Variants in PIK3R1 observed in about 807,000 individuals in gnomAD.
The protein encoded by PIK3R1 is phosphatidylinositol 3-kinase regulatory subunit alpha.
Under a neutral mutation model 98.0 loss-of-function variants are expected in PIK3R1, and 29 were observed. The observed-to-expected ratio is 0.30, with a 90% CI of 0.22 to 0.40. The LOEUF (loss-of-function observed/expected upper bound fraction) is 0.40, where lower values mean the gene tolerates loss of function less well. PIK3R1 is among the 10% of genes least tolerant of loss of function. The pLI is 1.00. For missense variants in PIK3R1, 596 were observed against 872.7 expected, an observed-to-expected ratio of 0.68 and a Z score of 3.99; for synonymous variants, 282 against 311.8, an observed-to-expected ratio of 0.90 and a Z score of 1.01.
intron 2 of PIK3R1, among the ~76,000 whole-genome samples, chr5:68,263,120 TATAGATAC>T (rs1220040512): frequency 1.9e-5 from 2 of 105,338 alleles, no homozygotes; most frequent in African/African-American, 7.6e-5. Flanking sequence ...TACATAGATA[TATAGATAC>T]ATAGATACAT....
At chr5:68,227,085 G>A (rs1381441049) in intron 2 of PIK3R1, 76 bp downstream of exon 2, 2 of 1,351,474 alleles carry the variant, frequency 1.5e-6, no homozygotes, top group African/African-American at 2.9e-5. Flanking sequence ...TTTGGGTTGA[G>A]TCGTTATGTT....
chr5:68,253,284 C>G (rs1403516764), intron 2 of PIK3R1, among the ~76,000 whole-genome samples: 1 of 152,166 alleles, frequency 6.6e-6, no homozygotes, highest in Admixed American at 6.5e-5. Flanking sequence ...GACACTTATC[C>G]TACATTTCAG....
At position 68,298,887 on chromosome 5, in the gene PIK3R1, G is replaced by A. The variant is rs1376183298; in HGVS notation, c.*1286G>A. On this transcript the variant is annotated 3_prime_UTR_variant, in exon 16 of 16. Coordinates refer to ENST00000521381, the MANE Select transcript of PIK3R1 (RefSeq NM_181523.3). ...ATCTAGGGAGGGGGAATGTAGTGAAGGGATGTATCAAGTGGGGTGGTGGGA... is the reference window on the plus strand; with the variant it reads ...ATCTAGGGAGGGGGAATGTAGTGAAAGGATGTATCAAGTGGGGTGGTGGGA... 1.7e-5 allele frequency: 4 copies of A among 233,220 alleles called. No individual in the cohort carries two copies. Among genetic ancestry groups the A allele is most frequent in the Non-Finnish European group, 2.5e-5 (3 of 117,924 alleles). 14.4% of individuals were successfully genotyped at this position (233,220 alleles called of 1,614,324 possible). A position where few individuals can be genotyped will look rare whatever the true frequency, so the allele number is the denominator to read the frequency against.
Position 68,301,362 on chromosome 5 carries a change from ATATATGTGTGTG to A in PIK3R1, c.*3763_*3774del, listed in dbSNP as rs1471110037. The stretch of plus-strand genomic sequence containing the variant: ...TGCTGCTATATATATATATATATAT[ATATATGTGTGTG>A]TGTGTGTGTGTGTGTGTGTATATAT... On this transcript the variant is annotated 3_prime_UTR_variant, in exon 16 of 16. Transcript: ENST00000521381. The A allele has an allele frequency of 6.3e-3, 180 of 28,526 alleles. 1 individual carries two copies. Among genetic ancestry groups the A allele is most frequent in the African/African-American group, 0.017 (156 of 9,276 alleles). 1.8% of individuals were successfully genotyped at this position (28,526 alleles called of 1,614,324 possible). A position where few individuals can be genotyped will look rare whatever the true frequency, so the allele number is the denominator to read the frequency against.
At chr5:68,259,862 G>A (rs1002296884) in intron 2 of PIK3R1, among the ~76,000 whole-genome samples, 3 of 152,150 alleles carry the variant, frequency 2.0e-5, no homozygotes, top group African/African-American at 7.2e-5. Flanking sequence ...TTGGAAGGGA[G>A]CTGCCTTTAT....
intron 1 of PIK3R1, among the ~76,000 whole-genome samples, chr5:68,219,349 A>G (rs545831565): frequency 6.6e-6 from 1 of 152,336 alleles, no homozygotes; most frequent in Admixed American, 6.5e-5. Flanking sequence ...AAGTCACAGG[A>G]GTCTGGCCAC....
intron 2 of PIK3R1, among the ~76,000 whole-genome samples, chr5:68,262,673 A>C (rs1483124943): frequency 3.1e-5 from 4 of 128,218 alleles, no homozygotes; most frequent in Non-Finnish European, 6.6e-5. Flanking sequence ...ACACATGTAG[A>C]TACATGTATC....
intron 1 of PIK3R1, chr5:68,217,653 T>TGTGTGTGCGCGCGCGCGCGC (rs1386976488): frequency 9.2e-4 from 138 of 149,382 alleles, no homozygotes; most frequent in African/African-American, 2.7e-3. Context: ...TGTGTGTGTG[T>TGTGTGTGCGCGCGCGCGCGC]GCGCGCGCGT....
At chr5:68,232,194 A>G (rs1744502622) in intron 2 of PIK3R1, among the ~76,000 whole-genome samples, 1 of 152,246 alleles carries the variant, frequency 6.6e-6, no homozygotes, top group African/African-American at 2.4e-5. Flanking sequence ...TGCATATTAA[A>G]TTACTTATTG....
At chr5:68,295,095 G>A in intron 12 of PIK3R1, 53 bp from the exon 13 acceptor site, 1 of 1,456,150 alleles carries the variant, frequency 6.9e-7, no homozygotes, top group East Asian at 2.3e-5. Flanking sequence ...TAAACTTTGG[G>A]GACCGTTCCT....
chr5:68,295,386 G>C (rs1230071495), intron 13 of PIK3R1, 34 bp from the exon 14 acceptor site: 1 of 1,613,492 alleles, frequency 6.2e-7, no homozygotes, highest in East Asian at 2.2e-5. Flanking sequence ...TTCAGGATGA[G>C]TTAATGCGTT....
chr5:68,294,416 G>A (rs1747572296), intron 11 of PIK3R1, 120 bp from the exon 12 acceptor site: 1 of 619,432 alleles, frequency 1.6e-6, no homozygotes, highest in South Asian at 3.2e-5. Flanking sequence ...TGTTTTAATG[G>A]ATTTTATGAA....
intron 1 of PIK3R1, among the ~76,000 whole-genome samples, chr5:68,219,639 G>T (rs1744025062): frequency 6.6e-6 from 1 of 152,218 alleles, no homozygotes; most frequent in Non-Finnish European, 1.5e-5. Flanking sequence ...AACTACATGG[G>T]CAAAGTCCAC....
intron 2 of PIK3R1, among the ~76,000 whole-genome samples, chr5:68,251,526 A>G (rs1185992101): frequency 1.3e-5 from 2 of 151,732 alleles, no homozygotes; most frequent in Non-Finnish European, 2.9e-5. Context: ...CCGTTCACTA[A>G]CACTTACAGG....
At chr5:68,247,144 C>T (rs1745130854) in intron 2 of PIK3R1, among the ~76,000 whole-genome samples, 1 of 152,090 alleles carries the variant, frequency 6.6e-6, no homozygotes, top group Non-Finnish European at 1.5e-5. Flanking sequence ...GGAACTTTTC[C>T]CTGTGCTTTG....
chr5:68,295,476 A>G lies in PIK3R1; in HGVS notation c.1802A>G (p.Glu601Gly). ...QKKLNEWLGN[E>G]NTEDQYSLVE... ...AAGTTGAACGAGTGGTTGGGCAATG[A>G]AAACACTGAAGAGTAAGTAGTTACT... The change falls in exon 14 of 16, where the codon GAA becomes GGA. Residue 601 changes from glutamate (E) to glycine (G), a missense_variant. By Grantham distance (98) the Glu-to-Gly change is moderately conservative. Around this residue, in one of 3 missense-constraint regions of PIK3R1, gnomAD observed 207 missense variants for 361.4 expected, o/e 0.57. Coordinates refer to ENST00000521381, the MANE Select transcript of PIK3R1 (RefSeq NM_181523.3). The G allele has an allele frequency of 6.2e-7, 1 of 1,613,988 alleles. No homozygotes were observed. Among genetic ancestry groups the G allele is most frequent in the Non-Finnish European group, 8.5e-7 (1 of 1,179,824 alleles).
At chr5:68,230,938 G>A (rs1744442331) in intron 2 of PIK3R1, among the ~76,000 whole-genome samples, 1 of 152,024 alleles carries the variant, frequency 6.6e-6, no homozygotes, top group South Asian at 2.1e-4. Context: ...CCTCGGGTGA[G>A]GCAGCTATTG....
chr5:68,219,719 G>C (rs1057364771), intron 1 of PIK3R1, among the ~76,000 whole-genome samples: 2 of 152,162 alleles, frequency 1.3e-5, no homozygotes, highest in African/African-American at 4.8e-5. Context: ...CTAGATTCAG[G>C]ATTCACTTAG....
chr5:68,224,048 A>AT (rs549936307), intron 1 of PIK3R1, among the ~76,000 whole-genome samples: 10 of 151,870 alleles, frequency 6.6e-5, no homozygotes, highest in Middle Eastern at 3.4e-3. Context: ...CTGGTTGAGG[A>AT]TTTTTTTTTC....
Sources: gnomAD v4.1 joint callset for allele counts (sites outside exome capture counted in the v4.1 genomes callset) on GRCh38, gnomAD v4.1.1 for gene constraint, gnomAD v4.1.1 regional missense constraint, MANE v1.5 for transcripts, NCBI Gene and HGNC (gene_info 2026-07-23, HGNC 2026-07-21) for gene names.